RAD21: variants seen among roughly 807,000 people sequenced by gnomAD.
RAD21 encodes RAD21 cohesin complex component.
RAD21 carries 18 observed loss-of-function variants against 71.5 expected under a neutral mutation model. That is an observed-to-expected ratio of 0.25 (90% confidence interval 0.17 to 0.37). RAD21 has a LOEUF of 0.37. RAD21 is among the 10% of genes least tolerant of loss of function. The pLI is 1.00. For synonymous variants in RAD21, 248 were observed against 254.0 expected (o/e 0.98, Z 0.22); for missense variants, 493 against 769.1 (o/e 0.64, Z 4.25).
At position 116,874,709 on chromosome 8, in the gene RAD21, G is replaced by C; in HGVS notation, c.-131C>G. 1 of 442,414 alleles carries C rather than the reference G, an allele frequency of 2.3e-6. No individual in the cohort carries two copies. The highest frequency in any genetic ancestry group is 1.6e-5 in the South Asian group (1 of 62,412). The allele number at this position is 442,414 out of a possible 1,614,324, so 27.4% of individuals were successfully genotyped here. On this transcript the variant is annotated 5_prime_UTR_variant, in exon 1 of 14. Transcript: ENST00000297338. ...AAGGGGGGAGCCCTTGCGAGGTGTA[G>C]CTTCCGAGCAGCTCCCGCCGCCGCC...
chr8:116,854,032 A>G (rs1812412560), intron 9 of RAD21, among the ~76,000 whole-genome samples: 1 of 152,192 alleles, frequency 6.6e-6, no homozygotes, highest in South Asian at 2.1e-4. Flanking sequence ...AATGTAAGGA[A>G]AATTCATTTT....
Position 116,846,485 on chromosome 8 carries a change from C to T in RAD21, c.*1015G>A, listed in dbSNP as rs553756682. 8.9e-6 allele frequency: 2 copies of T among 224,294 alleles called. No homozygotes were observed. The highest frequency in any genetic ancestry group is 6.5e-5 in the East Asian group (1 of 15,426). 13.9% of individuals were successfully genotyped at this position (224,294 alleles called of 1,614,324 possible). On this transcript the variant is annotated 3_prime_UTR_variant, in exon 14 of 14. Coordinates refer to ENST00000297338, the MANE Select transcript of RAD21 (RefSeq NM_006265.3). ...TTACAGGAAACTGGATATAGGATTT[C>T]GTTGCAACGCTATTAAAGTTCCAAA...
chr8:116,873,372 C>T (rs1314222557), intron 1 of RAD21, among the ~76,000 whole-genome samples: 4 of 152,218 alleles, frequency 2.6e-5, no homozygotes, highest in Admixed American at 6.5e-5. Context: ...TCATCAATGC[C>T]TTTCCAAAAA....
At chr8:116,863,501 C>T (rs1018185041) in intron 2 of RAD21, among the ~76,000 whole-genome samples, 7 of 152,040 alleles carry the variant, frequency 4.6e-5, no homozygotes, top group Non-Finnish European at 7.4e-5. Context: ...GTCATTAGCA[C>T]ATTAAGGAGC....
intron 4 of RAD21, among the ~76,000 whole-genome samples, chr8:116,860,090 T>C (rs1243945852): frequency 2.6e-5 from 4 of 152,142 alleles, no homozygotes; most frequent in Non-Finnish European, 5.9e-5. Flanking sequence ...ACTGCAGATA[T>C]GGTGGAAAAA....
At chr8:116,870,134 T>C (rs1020591514) in intron 1 of RAD21, among the ~76,000 whole-genome samples, 1 of 152,180 alleles carries the variant, frequency 6.6e-6, no homozygotes, top group Admixed American at 6.5e-5. Flanking sequence ...CAAAGGATTA[T>C]TAATTCATAC....
chr8:116,869,810 A>T (rs995842756), intron 1 of RAD21, among the ~76,000 whole-genome samples: 7 of 152,226 alleles, frequency 4.6e-5, no homozygotes, highest in African/African-American at 1.7e-4. Context: ...TGCAGGTGGG[A>T]CTAAAATCTC....
chr8:116,865,657 GA>G (rs572591153), intron 2 of RAD21, among the ~76,000 whole-genome samples: 200 of 152,190 alleles, frequency 1.3e-3, no homozygotes, highest in Admixed American at 4.4e-3. Flanking sequence ...TCTTTAAAAA[GA>G]AAATAAAACA....
At chr8:116,860,041 C>G (rs1330506037) in intron 4 of RAD21, among the ~76,000 whole-genome samples, 1 of 152,152 alleles carries the variant, frequency 6.6e-6, no homozygotes, top group Admixed American at 6.6e-5. Context: ...AACCCTGATG[C>G]ATGACTTTGA....
At chr8:116,848,893 A>G in intron 13 of RAD21, 53 bp downstream of exon 13, 2 of 1,471,936 alleles carry the variant, frequency 1.4e-6, no homozygotes, top group Admixed American at 4.0e-5. Flanking sequence ...TTCAGGGAAC[A>G]ATGGCAAAAG....
intron 3 of RAD21, 38 bp downstream of exon 3, chr8:116,863,091 TA>T: frequency 1.9e-6 from 3 of 1,566,102 alleles, no homozygotes; most frequent in Non-Finnish European, 2.6e-6. Context: ...AACTCCAAAG[TA>T]AACAACAACA....
intron 4 of RAD21, among the ~76,000 whole-genome samples, chr8:116,861,325 T>C (rs16888957): frequency 0.021 from 3,175 of 151,734 alleles, 111 homozygotes; most frequent in African/African-American, 0.072. Context: ...ATAACTACAG[T>C]ACTCTGCTAT....
Position 116,856,292 on chromosome 8 carries a change from TAAAAAAAAAAAA to T in RAD21, c.815-16_815-5del. 1.7e-6 allele frequency: 2 copies of T among 1,174,446 alleles called. No homozygotes were observed. Among genetic ancestry groups the T allele is most frequent in the Non-Finnish European group, 1.1e-6 (1 of 952,172 alleles). 72.8% of individuals were successfully genotyped at this position (1,174,446 alleles called of 1,614,324 possible). ...TCAGGACTATCAGGCCCACCCACTG[TAAAAAAAAAAAA>T]AAAAAAAAAAAGTCACAAAAAGCTT... On this transcript the variant is annotated splice_polypyrimidine_tract_variant and splice_region_variant and intron_variant, in intron 7 of 13. Transcript: ENST00000297338.
intron 5 of RAD21, among the ~76,000 whole-genome samples, chr8:116,857,872 C>G (rs533547248): frequency 6.6e-6 from 1 of 152,166 alleles, no homozygotes; most frequent in East Asian, 1.9e-4. Context: ...CTACTTGAGG[C>G]TGAAGTGGGA....
In RAD21 at chr8:116,874,766, A is replaced by G. The variant is rs1412494016; in HGVS notation, c.-188T>C. The G allele has an allele frequency of 2.2e-6, 1 of 456,326 alleles. No individual in the cohort carries two copies. Among genetic ancestry groups the G allele is most frequent in the African/African-American group, 2.0e-5 (1 of 50,166 alleles). The allele number at this position is 456,326 out of a possible 1,614,324, so 28.3% of individuals were successfully genotyped here. On this transcript the variant is annotated 5_prime_UTR_variant, in exon 1 of 14. Coordinates refer to ENST00000297338, the MANE Select transcript of RAD21 (RefSeq NM_006265.3). ...GGCGCCTCCTTTCCGATTCACTCAA[A>G]CAAACAAGATGGCTGCCGTTACGCC...
chr8:116,856,090 G>T, intron 8 of RAD21, 76 bp downstream of exon 8: 1 of 1,498,842 alleles, frequency 6.7e-7, no homozygotes, highest in South Asian at 1.2e-5. Context: ...AACAGTAGCA[G>T]ATCAGTAGAC....
At chr8:116,868,450 A>G (rs1812742056) in intron 1 of RAD21, among the ~76,000 whole-genome samples, 1 of 152,212 alleles carries the variant, frequency 6.6e-6, no homozygotes, top group African/African-American at 2.4e-5. Context: ...TAAACCTGCT[A>G]TAAATATTCA....
At chr8:116,852,232 G>A in intron 10 of RAD21, 136 bp from the exon 11 acceptor site, 3 of 880,030 alleles carry the variant, frequency 3.4e-6, no homozygotes, top group Non-Finnish European at 4.9e-6. Context: ...TAAAATTTTA[G>A]CTCCATAAAG....
chr8:116,871,470 A>G (rs1445493325), intron 1 of RAD21, among the ~76,000 whole-genome samples: 1 of 152,250 alleles, frequency 6.6e-6, no homozygotes, highest in Non-Finnish European at 1.5e-5. Flanking sequence ...TGTTTCAAAG[A>G]ATCAAACTGA....
Sources: allele counts gnomAD v4.1 joint callset (sites outside exome capture counted in the v4.1 genomes callset), GRCh38; gene constraint gnomAD v4.1.1; transcripts MANE v1.5; gene names NCBI Gene and HGNC (gene_info 2026-07-23, HGNC 2026-07-21).